The following EML6 variants were observed in gnomAD, a reference collection of about 807,000 sequenced individuals.
EML6 encodes the protein EMAP like 6.
A neutral mutation model predicts 240.1 loss-of-function variants in EML6; 154 were observed. That is an observed-to-expected ratio of 0.64 (90% CI 0.56 to 0.73). The LOEUF is 0.73. Ranked by LOEUF, EML6 falls within the 30% of genes least tolerant of loss-of-function variation. EML6 has a pLI of 0.00. For missense variants in EML6, 2,964 were observed against 2,474.6 expected, an observed-to-expected ratio of 1.20 and a Z score of -4.20; for synonymous variants, 1,148 against 899.0, an observed-to-expected ratio of 1.28 and a Z score of -4.95.
rs140920455 is a variant in EML6, at chr2:54,817,905, A to G, written c.456+1020A>G. ...AATTCTACTCCAGGATCAAGTCTTC[A>G]GAAAGCTCAGGAGTGACCAACAATA... On this transcript the variant is annotated intron_variant, in intron 4 of 41. Coordinates refer to ENST00000356458, the MANE Select transcript of EML6 (RefSeq NM_001039753.4). Among the ~76,000 whole-genome samples the G allele has an allele frequency of 5.9e-3, 903 of 152,290 alleles. 4 individuals are homozygous for G. Among genetic ancestry groups the G allele is most frequent in the African/African-American group, 0.021 (867 of 41,558 alleles).
chr2:54,836,448 T>C (rs913398676), intron 7 of EML6, among the ~76,000 whole-genome samples: 1 of 152,222 alleles, frequency 6.6e-6, no homozygotes, highest in African/African-American at 2.4e-5. Context: ...ATCTTTCCTA[T>C]GAATTCTGCT....
At chr2:54,949,051 A>G (rs1037855562) in intron 29 of EML6, 91 bp downstream of exon 29, 5 of 947,998 alleles carry the variant, frequency 5.3e-6, no homozygotes, top group African/African-American at 3.3e-5. Flanking sequence ...GACACAGTCA[A>G]ATGAAACGGA....
intron 35 of EML6, 88 bp from the exon 36 acceptor site, chr2:54,962,435 C>A: frequency 9.8e-7 from 1 of 1,019,740 alleles, no homozygotes; most frequent in Non-Finnish European, 1.4e-6. Context: ...TACTTTCTGT[C>A]TCCATGAATT....
intron 2 of EML6, among the ~76,000 whole-genome samples, chr2:54,777,910 T>A (rs1165723511): frequency 2.6e-5 from 4 of 152,220 alleles, no homozygotes; most frequent in African/African-American, 9.6e-5. Context: ...TTTAATAAAA[T>A]TTTTGGGGAA....
intron 2 of EML6, among the ~76,000 whole-genome samples, chr2:54,743,725 A>G (rs761200355): frequency 2.0e-5 from 3 of 152,114 alleles, no homozygotes; most frequent in Non-Finnish European, 4.4e-5. Flanking sequence ...TGCAACTCCC[A>G]CTATAGGAAT....
At chr2:54,934,004 G>A (rs1674999212) in intron 28 of EML6, among the ~76,000 whole-genome samples, 1 of 152,122 alleles carries the variant, frequency 6.6e-6, no homozygotes, top group African/African-American at 2.4e-5. Flanking sequence ...CACTTTGAAG[G>A]AGGGAGAATG....
chr2:54,928,444 G>T lies in EML6; in HGVS notation c.3807G>T (p.Glu1269Asp), dbSNP rs1436978375. The change falls in exon 27 of 42, where the codon GAG becomes GAT. Residue 1269 changes from glutamate (E) to aspartate (D), a missense_variant. By Grantham distance (45) the Glu-to-Asp change is conservative. Coordinates refer to ENST00000356458, the MANE Select transcript of EML6 (RefSeq NM_001039753.4). Reference sequence around the variant, plus strand: ...CAGCCCTGATGATCTGGACCAGGGAGTTTGTGGGGACCCAGGAGAGCAAGC... The same window carrying T: ...CAGCCCTGATGATCTGGACCAGGGATTTTGTGGGGACCCAGGAGAGCAAGC... The part of the protein sequence containing the change: ...ADTALMIWTR[E>D]FVGTQESKLV... 3 of 1,550,800 alleles carry T rather than the reference G, an allele frequency of 1.9e-6. No individual in the cohort carries two copies. Among genetic ancestry groups the T allele is most frequent in the African/African-American group, 2.7e-5 (2 of 72,992 alleles).
intron 7 of EML6, among the ~76,000 whole-genome samples, chr2:54,842,655 A>G (rs1397622547): frequency 2.0e-5 from 3 of 152,208 alleles, no homozygotes; most frequent in Non-Finnish European, 4.4e-5. Flanking sequence ...TAGGAAATTG[A>G]TATTGCTTCT....
chr2:54,788,265 T>A (rs6719425), intron 2 of EML6, among the ~76,000 whole-genome samples: 1 of 152,006 alleles, frequency 6.6e-6, no homozygotes, highest in East Asian at 1.9e-4. Context: ...GCTGCCCTCT[T>A]CTCTCTGGCA....
chr2:54,968,632 G>GGT lies in EML6; in HGVS notation c.5752-35_5752-34dup, dbSNP rs756994970. 5 of 1,243,692 alleles carry GGT rather than the reference G, an allele frequency of 4.0e-6. No homozygotes were observed. The South Asian group carries it at 6.4e-5, about 16-fold the overall frequency. The allele number at this position is 1,243,692 out of a possible 1,614,324, so 77.0% of individuals were successfully genotyped here. A position where few individuals can be genotyped will look rare whatever the true frequency, so the allele number is the denominator to read the frequency against. On this transcript the variant is annotated intron_variant, in intron 40 of 41. Coordinates refer to ENST00000356458, the MANE Select transcript of EML6 (RefSeq NM_001039753.4). ...GTCTGTGGTTGCTGAGAGGAGCCAG[G>GGT]GTCTCTTAGCTGTCTCCATTCACTT... is the stretch of plus-strand genomic sequence containing the variant.
At chr2:54,918,169 T>C (rs1225602160) in intron 26 of EML6, among the ~76,000 whole-genome samples, 1 of 152,228 alleles carries the variant, frequency 6.6e-6, no homozygotes, top group Non-Finnish European at 1.5e-5. Flanking sequence ...TGTTCCATCC[T>C]ATCTGTATCT....
At chr2:54,873,613 T>G (rs1671365250) in intron 16 of EML6, among the ~76,000 whole-genome samples, 1 of 150,030 alleles carries the variant, frequency 6.7e-6, no homozygotes, top group African/African-American at 2.5e-5. Flanking sequence ...TTGTTCTCCA[T>G]AGTTCCACTC....
rs537568462 is a variant in EML6 at position 54,864,497 on chromosome 2, T to A, written c.1932+608T>A. On this transcript the variant is annotated intron_variant, in intron 13 of 41. Transcript: ENST00000356458. ...CACTAAACAGTGTTAAAGCAATCCCTCAGCGGAATCTGAACACATACCACC... is the reference window on the plus strand; with the variant it reads ...CACTAAACAGTGTTAAAGCAATCCCACAGCGGAATCTGAACACATACCACC... Among the ~76,000 whole-genome samples, 6 of 152,348 alleles carry A rather than the reference T, an allele frequency of 3.9e-5. No individual in the cohort carries two copies. In the South Asian group the frequency reaches 1.2e-3, roughly 32 times the overall value.
chr2:54,788,559 C>T (rs1272380876), intron 2 of EML6, among the ~76,000 whole-genome samples: 1 of 152,178 alleles, frequency 6.6e-6, no homozygotes, highest in East Asian at 1.9e-4. Flanking sequence ...TAGCTACTCT[C>T]CAGAGAGAGA....
intron 35 of EML6, among the ~76,000 whole-genome samples, chr2:54,960,853 C>T (rs1034897029): frequency 2.0e-5 from 3 of 152,124 alleles, no homozygotes; most frequent in African/African-American, 7.2e-5. Flanking sequence ...CGGGCACCCA[C>T]CTGGAGCTGG....
At chr2:54,903,313 C>T (rs1221532184) in intron 23 of EML6, 58 bp from the exon 24 acceptor site, 3 of 1,531,954 alleles carry the variant, frequency 2.0e-6, no homozygotes, top group Non-Finnish European at 2.6e-6. Context: ...TACTAAGTTC[C>T]TGGAAGTAAA....
intron 24 of EML6, among the ~76,000 whole-genome samples, chr2:54,910,067 ATAT>A (rs761511001): frequency 7.2e-5 from 11 of 152,282 alleles, no homozygotes; most frequent in Non-Finnish European, 1.0e-4. Flanking sequence ...TATAGGTGAA[ATAT>A]TATGACGTCT....
At chr2:54,927,306 C>A (rs1395466094) in intron 26 of EML6, among the ~76,000 whole-genome samples, 1 of 152,194 alleles carries the variant, frequency 6.6e-6, no homozygotes, top group Admixed American at 6.5e-5. Flanking sequence ...CCTCCTGCAC[C>A]TGTTTCCTGC....
intron 17 of EML6, among the ~76,000 whole-genome samples, chr2:54,884,466 G>T (rs1175613228): frequency 6.6e-6 from 1 of 152,176 alleles, no homozygotes; most frequent in Non-Finnish European, 1.5e-5. Context: ...CTTCCCTGAA[G>T]GTCAGGAATG....
Sources: gnomAD v4.1 joint callset for allele counts (sites outside exome capture counted in the v4.1 genomes callset) on GRCh38, gnomAD v4.1.1 for gene constraint, MANE v1.5 for transcripts, NCBI Gene and HGNC (gene_info 2026-07-23, HGNC 2026-07-21) for gene names.